Variants in RRBP1 observed in about 807,000 individuals in gnomAD.
The protein encoded by RRBP1 is ribosome binding protein 1.
In RRBP1, 94 loss-of-function variants were observed where a neutral mutation model predicts 165.2. The ratio of observed to expected loss-of-function variants is 0.57; its 90% confidence interval spans 0.48 to 0.68. The LOEUF is 0.68. Ranked by LOEUF, RRBP1 falls within the 30% of genes least tolerant of loss-of-function variation. RRBP1 has a pLI of 0.00. For missense variants in RRBP1, 1,676 were observed against 1,763.0 expected, an observed-to-expected ratio of 0.95 and a Z score of 0.88; for synonymous variants, 680 against 714.5, an observed-to-expected ratio of 0.95 and a Z score of 0.77.
rs1289525028 is a variant in RRBP1, at chr20:17,627,538, T to C, written c.2894A>G (p.Glu965Gly). The C allele has an allele frequency of 1.2e-6, 2 of 1,612,572 alleles. No individual in the cohort carries two copies. Among genetic ancestry groups the C allele is most frequent in the Admixed American group, 1.7e-5 (1 of 59,906 alleles). The change falls in exon 10 of 25, where the codon GAG becomes GGG. Residue 965 changes from glutamate (E) to glycine (G), a missense_variant. Physicochemically the swap from Glu to Gly is moderately conservative, Grantham distance 98 (BLOSUM62 -2). Transcript: ENST00000377813. ...ERIRSIEALL[E>G]AGQARDAQDV... ...CTGGGCATCCCGCGCCTGGCCCGCC[T>C]CCAGCAGGGCCTCAATGGAACGGAT...
At chr20:17,620,129 C>T (rs529800692) in intron 18 of RRBP1, among the ~76,000 whole-genome samples, 170 bp downstream of exon 18, 13 of 152,212 alleles carry the variant, frequency 8.5e-5, no homozygotes, top group Non-Finnish European at 1.0e-4. Flanking sequence ...TAGTCAATGT[C>T]TCTCATTAAG....
At chr20:17,625,956 C>T (rs571815041) in intron 11 of RRBP1, among the ~76,000 whole-genome samples, 34 of 152,238 alleles carry the variant, frequency 2.2e-4, no homozygotes, top group African/African-American at 8.2e-4. Context: ...CAGCCTCCGC[C>T]GGCAAATCAC....
At chr20:17,628,325 G>A (rs1319413615) in intron 9 of RRBP1, among the ~76,000 whole-genome samples, 3 of 152,076 alleles carry the variant, frequency 2.0e-5, no homozygotes, top group Non-Finnish European at 4.4e-5. Flanking sequence ...GACCTCCCAG[G>A]ACTCCTCATC....
intron 8 of RRBP1, 32 bp downstream of exon 8, chr20:17,633,428 A>AG (rs1491025697): frequency 2.7e-5 from 44 of 1,601,870 alleles, no homozygotes; most frequent in Non-Finnish European, 3.7e-5. Context: ...GGCAGTGAAC[A>AG]GGGCACTGAG....
At chr20:17,616,490 G>A (rs910890209) in intron 21 of RRBP1, among the ~76,000 whole-genome samples, 5 of 152,114 alleles carry the variant, frequency 3.3e-5, no homozygotes, top group African/African-American at 9.7e-5. Context: ...CCCAAATCAC[G>A]GACTCCCTCT....
intron 16 of RRBP1, 68 bp downstream of exon 16, chr20:17,621,390 T>G: frequency 8.0e-7 from 1 of 1,242,976 alleles, no homozygotes; most frequent in Non-Finnish European, 1.2e-6. Flanking sequence ...TCCTGCCCCA[T>G]AGGCCCCGAA....
rs79044480 is a variant in RRBP1, at chr20:17,620,902, C to T, written c.3415-95G>A. 2.4e-3 allele frequency: 2,114 copies of T among 871,272 alleles called. 31 individuals carry two copies. In the African/African-American group the frequency reaches 0.032, roughly 13 times the overall value. 54.0% of individuals were successfully genotyped at this position (871,272 alleles called of 1,614,324 possible). On this transcript the variant is annotated intron_variant, in intron 16 of 24. Coordinates refer to ENST00000377813, the MANE Select transcript of RRBP1 (RefSeq NM_001365613.2). ...TGTCCCTGCAGCCCTGGTGACCTGC[C>T]GTGCTCCGCCTGCTGACTTCATGAG...
At chr20:17,642,642 G>A (rs753744045) in intron 4 of RRBP1, among the ~76,000 whole-genome samples, 1 of 152,100 alleles carries the variant, frequency 6.6e-6, no homozygotes, top group African/African-American at 2.4e-5. Context: ...GGCGCTCCTG[G>A]GCTGGGGAAC....
Position 17,619,658 on chromosome 20 carries a change from T to A in RRBP1, c.3650A>T (p.Gln1217Leu). The stretch of plus-strand genomic sequence containing the variant: ...CCCTGCCACCTCCTTGGCGTAGTTC[T>A]GGCACTCGGCGCTGGCGGCCGCCAT... ...KHMAAASAECQNYAKEVAGLR... is the reference protein window; with the variant it reads ...KHMAAASAECLNYAKEVAGLR... Residue 1217 changes from glutamine (Q) to leucine (L), a missense_variant, in exon 19 of 25, where the codon CAG becomes CTG. This residue lies in a region of RRBP1 where 1,184 missense variants were observed against 1,167.1 expected (regional missense o/e 1.01). Coordinates refer to ENST00000377813, the MANE Select transcript of RRBP1 (RefSeq NM_001365613.2). The A allele has an allele frequency of 6.2e-7, 1 of 1,612,738 alleles. No homozygotes were observed. The highest frequency in any genetic ancestry group is 8.5e-7 in the Non-Finnish European group (1 of 1,179,710).
intron 9 of RRBP1, among the ~76,000 whole-genome samples, chr20:17,628,485 C>T (rs1482551824): frequency 6.6e-6 from 1 of 152,194 alleles, no homozygotes; most frequent in Non-Finnish European, 1.5e-5. Flanking sequence ...TCTCCATGGG[C>T]CACTCGTGCC....
intron 2 of RRBP1, among the ~76,000 whole-genome samples, chr20:17,675,604 C>T (rs1162467082): frequency 6.6e-6 from 1 of 152,106 alleles, no homozygotes; most frequent in Non-Finnish European, 1.5e-5. Context: ...AGCCAACAGG[C>T]CTGAAGGAGA....
chr20:17,649,927 G>T (rs1042504230), intron 3 of RRBP1, among the ~76,000 whole-genome samples: 9 of 152,106 alleles, frequency 5.9e-5, no homozygotes, highest in Admixed American at 1.3e-4. Context: ...ATGCCTCCCA[G>T]ATGCCTGTGT....
intron 3 of RRBP1, among the ~76,000 whole-genome samples, chr20:17,651,333 G>A (rs2036552614): frequency 6.6e-6 from 1 of 152,168 alleles, no homozygotes; most frequent in Non-Finnish European, 1.5e-5. Context: ...ATGCAGCACT[G>A]TCTTCCTAAA....
Position 17,659,003 on chromosome 20 carries a change from G to A in RRBP1, c.1505C>T (p.Ala502Val). ...AEGAQNQGKK[A>V]EGAQNQGQKG... ...TTGGCCCTGGTTCTGGGCTCCCTCG[G>A]CCTTTTTGCCCTGGTTCTGAGCCCC... Residue 502 changes from alanine (A) to valine (V), a missense_variant, in exon 3 of 25, where the codon GCC becomes GTC. Transcript: ENST00000377813. The A allele has an allele frequency of 1.2e-6, 2 of 1,601,260 alleles. No homozygotes were observed. The highest frequency in any genetic ancestry group is 1.7e-6 in the Non-Finnish European group (2 of 1,173,246).
intron 3 of RRBP1, among the ~76,000 whole-genome samples, chr20:17,651,289 C>T (rs529655940): frequency 1.3e-4 from 20 of 152,302 alleles, no homozygotes; most frequent in African/African-American, 4.6e-4. Context: ...TTGTGGGCCT[C>T]TCATCGTAAA....
chr20:17,645,294 T>G (rs1175214194), intron 3 of RRBP1, among the ~76,000 whole-genome samples: 1 of 152,156 alleles, frequency 6.6e-6, no homozygotes, highest in African/African-American at 2.4e-5. Flanking sequence ...CTCCCGAGAG[T>G]GTTCTCGGAG....
chr20:17,613,999 T>C lies in RRBP1; in HGVS notation c.*183A>G. 1.6e-6 allele frequency: 1 copy of C among 630,274 alleles called. No homozygotes were observed. The allele number at this position is 630,274 out of a possible 1,614,324, so 39.0% of individuals were successfully genotyped here. A position where few individuals can be genotyped will look rare whatever the true frequency, so the allele number is the denominator to read the frequency against. On this transcript the variant is annotated 3_prime_UTR_variant, in exon 25 of 25. Coordinates refer to ENST00000377813, the MANE Select transcript of RRBP1 (RefSeq NM_001365613.2). ...TTATCAAATGTGACACAGGTTCATT[T>C]ACAAACTGGGGCTCTGGAAGGTCTA...
At chr20:17,662,943 A>G (rs2036793166) in intron 2 of RRBP1, among the ~76,000 whole-genome samples, 1 of 152,138 alleles carries the variant, frequency 6.6e-6, no homozygotes, top group South Asian at 2.1e-4. Context: ...TGGGAAGCTG[A>G]GGAGGGAGGA....
At chr20:17,654,959 AAG>A (rs1318282819) in intron 3 of RRBP1, among the ~76,000 whole-genome samples, 1 of 152,226 alleles carries the variant, frequency 6.6e-6, no homozygotes, top group African/African-American at 2.4e-5. Context: ...CACAATGGCA[AAG>A]AGAGTATTTA....
Sources: allele counts gnomAD v4.1 joint callset (sites outside exome capture counted in the v4.1 genomes callset), GRCh38; gene constraint gnomAD v4.1.1; regional missense constraint gnomAD v4.1.1; transcripts MANE v1.5; gene names NCBI Gene and HGNC (gene_info 2026-07-23, HGNC 2026-07-21).